Variants in NEGR1 observed in about 807,000 individuals in gnomAD.
NEGR1 encodes neuronal growth regulator 1.
NEGR1 carries 10 observed loss-of-function variants against 40.9 expected under a neutral mutation model. That is an observed-to-expected ratio of 0.24 (90% CI 0.15 to 0.42). NEGR1 has a LOEUF of 0.42. NEGR1 is among the 10% of genes least tolerant of loss of function. The pLI, the probability that NEGR1 is intolerant of heterozygous loss-of-function variation, is 1.00. For missense variants in NEGR1, 352 were observed against 438.9 expected, an observed-to-expected ratio of 0.80 and a Z score of 1.77; for synonymous variants, 185 against 166.8, an observed-to-expected ratio of 1.11 and a Z score of -0.84.
At chr1:72,222,624 T>G (rs1379770700) in intron 1 of NEGR1, among the ~76,000 whole-genome samples, 1 of 152,144 alleles carries the variant, frequency 6.6e-6, no homozygotes, top group Non-Finnish European at 1.5e-5. Context: ...TCTCTATCCT[T>G]ACACCTGAAA....
At chr1:71,629,419 G>A (rs1228196785) in intron 4 of NEGR1, among the ~76,000 whole-genome samples, 2 of 151,848 alleles carry the variant, frequency 1.3e-5, no homozygotes, top group African/African-American at 4.8e-5. Context: ...CTTGAGCAGT[G>A]GTTTGTTCCC....
At chr1:71,695,613 T>G (rs180890460) in intron 4 of NEGR1, among the ~76,000 whole-genome samples, 8 of 151,912 alleles carry the variant, frequency 5.3e-5, no homozygotes, top group African/African-American at 1.9e-4. Context: ...ACAAAGCCAC[T>G]AAAACACCTT....
chr1:72,237,733 T>G (rs550452892), intron 1 of NEGR1, among the ~76,000 whole-genome samples: 1 of 152,128 alleles, frequency 6.6e-6, no homozygotes, highest in African/African-American at 2.4e-5. Context: ...ATTAGACCCT[T>G]TCTTTGCAGA....
chr1:71,677,286 G>A (rs983139326), intron 4 of NEGR1, among the ~76,000 whole-genome samples: 9 of 151,982 alleles, frequency 5.9e-5, no homozygotes, highest in Non-Finnish European at 8.8e-5. Context: ...GGATAAAATC[G>A]TAATTTACTA....
chr1:72,028,022 A>C (rs1037887054), intron 1 of NEGR1, among the ~76,000 whole-genome samples: 5 of 152,222 alleles, frequency 3.3e-5, no homozygotes, highest in African/African-American at 1.2e-4. Flanking sequence ...TCAACATTTT[A>C]GCACTGGTCC....
At chr1:71,529,798 G>A (rs918390547) in intron 6 of NEGR1, among the ~76,000 whole-genome samples, 7 of 150,954 alleles carry the variant, frequency 4.6e-5, no homozygotes, top group East Asian at 1.9e-4. Context: ...TGTGAAAAAC[G>A]CCCCTTACCT....
chr1:72,059,560 T>C (rs1179189225), intron 1 of NEGR1, among the ~76,000 whole-genome samples: 1 of 151,626 alleles, frequency 6.6e-6, no homozygotes. Flanking sequence ...TAACTAGCTA[T>C]CCAATATACA....
chr1:71,659,720 G>C (rs565899162), intron 4 of NEGR1, among the ~76,000 whole-genome samples: 5 of 152,056 alleles, frequency 3.3e-5, no homozygotes, highest in Non-Finnish European at 5.9e-5. Flanking sequence ...CAAGCATATG[G>C]AAAAAAGCTA....
chr1:71,658,712 G>T (rs1239024789), intron 4 of NEGR1, among the ~76,000 whole-genome samples: 1 of 152,146 alleles, frequency 6.6e-6, no homozygotes. Context: ...CAGAGTTTCT[G>T]AAAGTATATA....
intron 1 of NEGR1, among the ~76,000 whole-genome samples, chr1:72,113,408 G>T (rs561498497): frequency 1.4e-4 from 21 of 151,172 alleles, no homozygotes; most frequent in Admixed American, 1.2e-3. Context: ...TTGGAGAATG[G>T]CAGTTAGAAG....
chr1:72,071,111 G>C (rs1647445657), intron 1 of NEGR1, among the ~76,000 whole-genome samples: 1 of 151,612 alleles, frequency 6.6e-6, no homozygotes, highest in African/African-American at 2.4e-5. Context: ...AGCAACATAA[G>C]AAATGAAAAA....
intron 2 of NEGR1, among the ~76,000 whole-genome samples, chr1:71,839,291 C>T (rs1190725172): frequency 1.3e-5 from 2 of 149,906 alleles, no homozygotes; most frequent in African/African-American, 2.5e-5. Context: ...GCAACCTCCT[C>T]CTCCTGGGTT....
intron 2 of NEGR1, among the ~76,000 whole-genome samples, chr1:71,900,669 A>C (rs1570479788): frequency 6.6e-6 from 1 of 152,320 alleles, no homozygotes; most frequent in Non-Finnish European, 1.5e-5. Flanking sequence ...TGTTTTAATA[A>C]CTTTTAAGAG....
intron 4 of NEGR1, among the ~76,000 whole-genome samples, chr1:71,676,433 A>G (rs577673685): frequency 1.2e-4 from 18 of 152,196 alleles, no homozygotes; most frequent in Non-Finnish European, 2.4e-4. Flanking sequence ...TACAAACAAT[A>G]GAAATCCATA....
chr1:71,582,945 A>G (rs1480408462), intron 6 of NEGR1, among the ~76,000 whole-genome samples: 1 of 152,138 alleles, frequency 6.6e-6, no homozygotes, highest in African/African-American at 2.4e-5. Flanking sequence ...TTACATTTTC[A>G]GTGATGAAGC....
intron 1 of NEGR1, among the ~76,000 whole-genome samples, chr1:72,157,889 A>G (rs1248253576): frequency 6.6e-6 from 1 of 152,150 alleles, no homozygotes; most frequent in East Asian, 1.9e-4. Context: ...TAAGAATAAA[A>G]CTACACACTA....
intron 3 of NEGR1, among the ~76,000 whole-genome samples, chr1:71,758,499 GT>G (rs1175481656): frequency 6.6e-6 from 1 of 151,938 alleles, no homozygotes; most frequent in African/African-American, 2.4e-5. Flanking sequence ...GTTTAACACA[GT>G]TTTATTGATA....
chr1:71,542,225 T>C (rs1264724692), intron 6 of NEGR1, among the ~76,000 whole-genome samples: 1 of 151,688 alleles, frequency 6.6e-6, no homozygotes, highest in South Asian at 2.1e-4. Context: ...GAACCTCTCA[T>C]GGTCAAGGTG....
chr1:71,771,685 G>C (rs1314053353), intron 3 of NEGR1, among the ~76,000 whole-genome samples: 4 of 35,560 alleles, frequency 1.1e-4, no homozygotes, highest in Non-Finnish European at 2.3e-4. Flanking sequence ...GGTAACAAAA[G>C]CAAGACTTAG....
Sources: allele counts gnomAD v4.1 joint callset (sites outside exome capture counted in the v4.1 genomes callset), GRCh38; gene constraint gnomAD v4.1.1; transcripts MANE v1.5; gene names NCBI Gene and HGNC (gene_info 2026-07-23, HGNC 2026-07-21).